The following EYS variants were observed in gnomAD, a reference collection of about 807,000 sequenced individuals.
EYS encodes protein eyes shut homolog.
EYS carries 250 observed loss-of-function variants against 282.1 expected under a neutral mutation model. That is an observed-to-expected ratio of 0.89 (90% CI 0.80 to 0.98). The LOEUF is 0.98. Ranked by LOEUF, EYS falls within the 50% of genes least tolerant of loss-of-function variation. The pLI is 0.00. For missense variants in EYS, 4,016 were observed against 3,709.0 expected (o/e 1.08, Z -2.15); for synonymous variants, 1,355 against 1,282.9 (o/e 1.06, Z -1.20).
At chr6:63,869,643 T>C (rs556539783) in intron 35 of EYS, among the ~76,000 whole-genome samples, 67 of 152,288 alleles carry the variant, frequency 4.4e-4, no homozygotes, top group Admixed American at 7.2e-4. Flanking sequence ...AAATGAGGTA[T>C]GTGTGAGAAT....
At chr6:65,013,271 C>T (rs982210300) in intron 13 of EYS, among the ~76,000 whole-genome samples, 1 of 152,066 alleles carries the variant, frequency 6.6e-6, no homozygotes. Flanking sequence ...TGAGAAAATA[C>T]TCATGATATT....
intron 22 of EYS, among the ~76,000 whole-genome samples, chr6:64,729,209 C>T (rs1221644860): frequency 1.3e-5 from 2 of 152,146 alleles, no homozygotes; most frequent in Admixed American, 6.5e-5. Flanking sequence ...AAGACCTGCC[C>T]TCTTCTGCCC....
At chr6:64,378,634 C>T (rs933973945) in intron 29 of EYS, among the ~76,000 whole-genome samples, 2 of 152,074 alleles carry the variant, frequency 1.3e-5, no homozygotes, top group Non-Finnish European at 2.9e-5. Context: ...ATCATTCTTC[C>T]TTAAACCTTA....
intron 26 of EYS, among the ~76,000 whole-genome samples, chr6:64,480,950 T>C (rs949294184): frequency 6.6e-6 from 1 of 151,666 alleles, no homozygotes; most frequent in South Asian, 2.1e-4. Context: ...TTTCAGGTAT[T>C]GATTCAAATT....
At chr6:63,768,287 C>A (rs1413110022) in intron 40 of EYS, among the ~76,000 whole-genome samples, 5 of 151,870 alleles carry the variant, frequency 3.3e-5, no homozygotes, top group African/African-American at 1.2e-4. Flanking sequence ...AGTAAACAGA[C>A]AACCTACAAA....
At chr6:64,040,890 A>G (rs1384338067) in intron 33 of EYS, among the ~76,000 whole-genome samples, 1 of 152,234 alleles carries the variant, frequency 6.6e-6, no homozygotes, top group Admixed American at 6.5e-5. Flanking sequence ...AATTAAGGGC[A>G]CTGGTATAAG....
intron 39 of EYS, chr6:63,779,115 C>A: frequency 6.7e-6 from 1 of 149,570 alleles, no homozygotes; most frequent in East Asian, 2.0e-4. Flanking sequence ...TATGTTGTCA[C>A]ATTTTTCTCT....
intron 26 of EYS, among the ~76,000 whole-genome samples, chr6:64,534,462 A>C (rs1764455556): frequency 6.6e-6 from 1 of 152,124 alleles, no homozygotes; most frequent in Non-Finnish European, 1.5e-5. Context: ...AAGATCTTTC[A>C]GTTTACATTA....
chr6:64,512,289 G>T (rs1022743194), intron 26 of EYS, among the ~76,000 whole-genome samples: 1 of 152,034 alleles, frequency 6.6e-6, no homozygotes, highest in South Asian at 2.1e-4. Flanking sequence ...TCACTGCAAA[G>T]CATCACCAAC....
At chr6:65,648,314 ATGTGTGTGTGTGTG>A (rs58196369) in intron 1 of EYS, among the ~76,000 whole-genome samples, 9 of 147,792 alleles carry the variant, frequency 6.1e-5, no homozygotes, top group Non-Finnish European at 9.0e-5. Context: ...AAGAAAATAT[ATGTGTGTGTGTGTG>A]TGTGTGTGTG....
Position 65,461,488 on chromosome 6 carries a change from C to A in EYS, c.862+29106G>T, listed in dbSNP as rs535099183. 1.7e-4 allele frequency among the ~76,000 whole-genome samples: 26 copies of A among 152,146 alleles called. No individual in the cohort carries two copies. In the South Asian group the frequency reaches 4.8e-3, roughly 28 times the overall value. On this transcript the variant is annotated intron_variant, in intron 5 of 42. Coordinates refer to ENST00000503581, the MANE Select transcript of EYS (RefSeq NM_001142800.2). ...TATAAGCTCACTCTCATATTCCTTT[C>A]TTCCTGGAGCTCCTTTGCCCTCTCT... is the stretch of plus-strand genomic sequence containing the variant.
chr6:64,384,052 G>A (rs942184506), intron 29 of EYS, among the ~76,000 whole-genome samples: 13 of 152,088 alleles, frequency 8.5e-5, no homozygotes, highest in Non-Finnish European at 1.5e-4. Flanking sequence ...TCTCTCACAA[G>A]TCCTTAAAGA....
intron 22 of EYS, among the ~76,000 whole-genome samples, chr6:64,709,636 G>A (rs369650752): frequency 2.0e-5 from 3 of 152,274 alleles, no homozygotes; most frequent in East Asian, 3.9e-4. Context: ...AAAAATATTG[G>A]CTGTAAATTG....
intron 35 of EYS, among the ~76,000 whole-genome samples, chr6:63,972,818 G>A (rs912676042): frequency 2.0e-5 from 3 of 151,994 alleles, no homozygotes; most frequent in African/African-American, 7.3e-5. Flanking sequence ...TGTTAGTTTA[G>A]AGAATGATGG....
chr6:64,546,528 A>G (rs1252512965), intron 26 of EYS, among the ~76,000 whole-genome samples: 1 of 152,190 alleles, frequency 6.6e-6, no homozygotes, highest in South Asian at 2.1e-4. Context: ...AATGGGATCT[A>G]ATTAAACTAA....
chr6:64,173,797 T>C (rs1764550083), intron 31 of EYS, among the ~76,000 whole-genome samples: 1 of 152,192 alleles, frequency 6.6e-6, no homozygotes, highest in Admixed American at 6.5e-5. Flanking sequence ...TTATGTAGAA[T>C]GTTTTTGTCT....
chr6:64,213,645 G>C (rs1192208452), intron 31 of EYS, among the ~76,000 whole-genome samples: 1 of 152,096 alleles, frequency 6.6e-6, no homozygotes, highest in Non-Finnish European at 1.5e-5. Context: ...GTAGATAACA[G>C]TCTAATCCAG....
intron 36 of EYS, among the ~76,000 whole-genome samples, chr6:63,835,642 A>T (rs1023768980): frequency 6.6e-6 from 1 of 151,988 alleles, no homozygotes. Context: ...TACTGTCTGG[A>T]TGATGGGTGC....
intron 26 of EYS, among the ~76,000 whole-genome samples, chr6:64,551,556 A>C (rs1410004139): frequency 8.2e-6 from 1 of 121,618 alleles, no homozygotes; most frequent in Non-Finnish European, 1.7e-5. Context: ...TTTTTTTTTG[A>C]GATGGAGTCC....
Sources: gnomAD v4.1 joint callset for allele counts (sites outside exome capture counted in the v4.1 genomes callset) on GRCh38, gnomAD v4.1.1 for gene constraint, MANE v1.5 for transcripts, NCBI Gene and HGNC (gene_info 2026-07-23, HGNC 2026-07-21) for gene names.